MYO1D: variants seen among roughly 807,000 people sequenced by gnomAD.
MYO1D encodes the protein unconventional myosin-Id.
A neutral mutation model predicts 122.0 loss-of-function variants in MYO1D; 83 were observed. The observed-to-expected ratio is 0.68, with a 90% CI of 0.57 to 0.82. MYO1D has a LOEUF of 0.82. MYO1D is among the 40% of genes least tolerant of loss of function. The pLI is 0.00. For missense variants in MYO1D, 1,157 were observed against 1,269.5 expected (o/e 0.91, Z 1.35); for synonymous variants, 464 against 446.9 (o/e 1.04, Z -0.48).
At chr17:32,506,345 G>A (rs1909503012) in intron 21 of MYO1D, among the ~76,000 whole-genome samples, 1 of 152,192 alleles carries the variant, frequency 6.6e-6, no homozygotes, top group African/African-American at 2.4e-5. Context: ...AGGTGGGGTG[G>A]TGGTCCCAGG....
intron 14 of MYO1D, 78 bp from the exon 15 acceptor site, chr17:32,721,267 T>C (rs566044490): frequency 1.8e-4 from 241 of 1,359,030 alleles, no homozygotes; most frequent in Non-Finnish European, 2.4e-4. Flanking sequence ...GTAATTAGTG[T>C]TAATTGTGTC....
At chr17:32,539,757 A>G (rs75689292) in intron 21 of MYO1D, among the ~76,000 whole-genome samples, 1 of 152,354 alleles carries the variant, frequency 6.6e-6, no homozygotes, top group East Asian at 1.9e-4. Flanking sequence ...CTTTTTCCAA[A>G]TAAGATAATA....
chr17:32,775,869 C>G lies in MYO1D; in HGVS notation c.559G>C (p.Glu187Gln), dbSNP rs752228247. ...IGGHINNYLL[E>Q]KSRVIVQQPG... is the part of the protein sequence containing the mutation. ...AGAAATTAAGCATATTTTACCTTTT[C>G]TAGTAAGTAGTTATTGATATGCCCA... Residue 187 changes from glutamate (E) to glutamine (Q), a missense_variant, in exon 4 of 22, where the codon GAA (glutamate) becomes CAA (glutamine). Coordinates refer to ENST00000318217, the MANE Select transcript of MYO1D (RefSeq NM_015194.3). The G allele has an allele frequency of 6.2e-7, 1 of 1,604,248 alleles. No homozygotes were observed. Among genetic ancestry groups the G allele is most frequent in the Non-Finnish European group, 8.5e-7 (1 of 1,175,518 alleles).
intron 21 of MYO1D, among the ~76,000 whole-genome samples, chr17:32,577,077 C>T (rs956611418): frequency 6.6e-6 from 1 of 152,084 alleles, no homozygotes; most frequent in Non-Finnish European, 1.5e-5. Context: ...GGATGAAACC[C>T]TGTCTCTATT....
chr17:32,611,323 G>A (rs2087698769), intron 20 of MYO1D, among the ~76,000 whole-genome samples: 1 of 152,186 alleles, frequency 6.6e-6, no homozygotes, highest in African/African-American at 2.4e-5. Context: ...AGCAGTAACT[G>A]AATAGATACT....
At chr17:32,516,364 C>T (rs989510955) in intron 21 of MYO1D, among the ~76,000 whole-genome samples, 2 of 152,134 alleles carry the variant, frequency 1.3e-5, no homozygotes, top group Non-Finnish European at 2.9e-5. Flanking sequence ...ACATGAAAGG[C>T]CCTGTGGGGG....
At chr17:32,624,163 C>T (rs1311752682) in intron 20 of MYO1D, among the ~76,000 whole-genome samples, 2 of 151,364 alleles carry the variant, frequency 1.3e-5, no homozygotes, top group East Asian at 3.9e-4. Context: ...TGGTTCTCAT[C>T]TCTGGCTGCA....
chr17:32,675,562 A>T (rs901227883), intron 16 of MYO1D, among the ~76,000 whole-genome samples: 1 of 152,184 alleles, frequency 6.6e-6, no homozygotes, highest in Non-Finnish European at 1.5e-5. Flanking sequence ...AATATGATTA[A>T]TTTTTCAATC....
chr17:32,745,334 C>T, intron 12 of MYO1D, 49 bp from the exon 13 acceptor site: 2 of 1,262,312 alleles, frequency 1.6e-6, no homozygotes, highest in East Asian at 2.4e-5. Context: ...CAAGCAAGAG[C>T]CACATTTAAG....
At chr17:32,502,760 T>C (rs558010606) in intron 21 of MYO1D, among the ~76,000 whole-genome samples, 1 of 152,318 alleles carries the variant, frequency 6.6e-6, no homozygotes, top group South Asian at 2.1e-4. Flanking sequence ...GACTTCTTTC[T>C]TGTTTGAACT....
At chr17:32,591,675 A>C (rs75964778) in intron 21 of MYO1D, among the ~76,000 whole-genome samples, 10 of 151,610 alleles carry the variant, frequency 6.6e-5, no homozygotes, top group Admixed American at 4.6e-4. Context: ...AAAAAAAAAA[A>C]CAAACCTACT....
intron 11 of MYO1D, among the ~76,000 whole-genome samples, chr17:32,751,518 C>T (rs1353265618): frequency 6.6e-6 from 1 of 152,100 alleles, no homozygotes; most frequent in Non-Finnish European, 1.5e-5. Context: ...CTAGAAAACC[C>T]TAAAGACTTC....
At chr17:32,509,275 G>A (rs1219803546) in intron 21 of MYO1D, among the ~76,000 whole-genome samples, 2 of 152,202 alleles carry the variant, frequency 1.3e-5, no homozygotes. Context: ...TGCCTTTTGG[G>A]AACTGAAGAA....
In MYO1D at chr17:32,795,093, G is replaced by A. The variant is rs114559115; in HGVS notation, c.96-14309C>T. Among the ~76,000 whole-genome samples the A allele has an allele frequency of 2.6e-3, 391 of 152,276 alleles. 4 individuals carry two copies. The highest frequency in any genetic ancestry group is 9.0e-3 in the African/African-American group (374 of 41,548). ...TCTCACATGAGCTACTGAGCAGACCGTGATGCTCCATTAATGAGGATAGGG... is the reference window on the plus strand; with the variant it reads ...TCTCACATGAGCTACTGAGCAGACCATGATGCTCCATTAATGAGGATAGGG... On this transcript the variant is annotated intron_variant, in intron 1 of 21. Transcript: ENST00000318217.
At chr17:32,753,863 C>T (rs2151012243) in intron 11 of MYO1D, among the ~76,000 whole-genome samples, 1 of 150,814 alleles carries the variant, frequency 6.6e-6, no homozygotes, top group Middle Eastern at 3.4e-3. Context: ...GCACCATGCA[C>T]TCTAGCCTGG....
intron 21 of MYO1D, among the ~76,000 whole-genome samples, chr17:32,567,033 T>A (rs543322730): frequency 2.1e-4 from 32 of 151,570 alleles, no homozygotes; most frequent in Middle Eastern, 6.8e-3. Context: ...AAGGAGCAGA[T>A]GATGCGGCTG....
intron 1 of MYO1D, among the ~76,000 whole-genome samples, chr17:32,822,633 C>T (rs1408130240): frequency 1.1e-4 from 17 of 149,026 alleles, no homozygotes; most frequent in Non-Finnish European, 2.2e-4. Flanking sequence ...GCCCCCGTCC[C>T]GGGGGGTGGC....
chr17:32,679,400 G>A (rs542214907), intron 16 of MYO1D, among the ~76,000 whole-genome samples: 12 of 152,072 alleles, frequency 7.9e-5, no homozygotes, highest in South Asian at 6.2e-4. Flanking sequence ...TAGGTCTAAC[G>A]TTTAAATCTT....
At chr17:32,728,766 A>ACG (rs1351004607) in intron 14 of MYO1D, among the ~76,000 whole-genome samples, 2 of 152,240 alleles carry the variant, frequency 1.3e-5, no homozygotes, top group Non-Finnish European at 2.9e-5. Flanking sequence ...CATGTAGGCA[A>ACG]CGCAATCTTA....
Sources: allele counts gnomAD v4.1 joint callset (sites outside exome capture counted in the v4.1 genomes callset), GRCh38; gene constraint gnomAD v4.1.1; transcripts MANE v1.5; gene names NCBI Gene and HGNC (gene_info 2026-07-23, HGNC 2026-07-21).